Variants in KCNC4 observed in about 807,000 individuals in gnomAD.
KCNC4 encodes voltage-gated potassium channel KCNC4.
Under a neutral mutation model 42.8 loss-of-function variants are expected in KCNC4, and 23 were observed. The observed-to-expected ratio is 0.54, with a 90% CI of 0.39 to 0.76. The LOEUF (loss-of-function observed/expected upper bound fraction) is 0.76. KCNC4 is among the 30% of genes least tolerant of loss of function. The pLI, the probability that KCNC4 is intolerant of heterozygous loss-of-function variation, is 0.00. For synonymous variants in KCNC4, 422 were observed against 393.5 expected (o/e 1.07, Z -0.86); for missense variants, 751 against 898.2 (o/e 0.84, Z 2.10).
At chr1:110,234,382 C>T (rs992296841), downstream of KCNC4, 4 of 152,196 alleles carry the variant, frequency 2.6e-5, no homozygotes, top group African/African-American at 9.7e-5. Context: ...GGGGCCTCCC[C>T]TCCTCCCTGC....
At chr1:110,234,145 AC>A (rs1658843012), downstream of KCNC4, 1 of 151,496 alleles carries the variant, frequency 6.6e-6, no homozygotes, top group African/African-American at 2.4e-5. Context: ...GCATAACCCC[AC>A]TCCAGCAGGA....
intron 1 of KCNC4, among the ~76,000 whole-genome samples, chr1:110,260,630 A>G (rs1387614168): frequency 6.6e-6 from 1 of 152,230 alleles, no homozygotes; most frequent in East Asian, 1.9e-4. Context: ...TGAGAATCCA[A>G]TCAGATCTGA....
chr1:110,273,078 G>A (rs1229506183), intron 1 of KCNC4, among the ~76,000 whole-genome samples: 1 of 152,216 alleles, frequency 6.6e-6, no homozygotes, highest in Non-Finnish European at 1.5e-5. Flanking sequence ...GGAGAGGAAG[G>A]AGGAAAGCTT....
chr1:110,233,123 G>C lies in KCNC4; in HGVS notation c.*151G>C, dbSNP rs1049918411. ...TGGAAAATCTCCCATGCGACCCTCG[G>C]GGCCCAGAGCCATCTGGGTCTGATG... On this transcript the variant is annotated 3_prime_UTR_variant, in exon 4 of 4. Transcript: ENST00000438661. 2 of 917,460 alleles carry C rather than the reference G, an allele frequency of 2.2e-6. No homozygotes were observed. Among genetic ancestry groups the C allele is most frequent in the Non-Finnish European group, 3.3e-6 (2 of 603,318 alleles). 56.8% of individuals were successfully genotyped at this position (917,460 alleles called of 1,614,324 possible). A position where few individuals can be genotyped will look rare whatever the true frequency, so the allele number is the denominator to read the frequency against.
chr1:110,275,965 A>G (rs936244928), intron 1 of KCNC4, among the ~76,000 whole-genome samples: 16 of 151,620 alleles, frequency 1.1e-4, no homozygotes, highest in Non-Finnish European at 2.4e-4. Context: ...AAAAAAAAAA[A>G]AAAAAAAGAA....
chr1:110,264,532 G>A (rs1659505951), intron 1 of KCNC4, among the ~76,000 whole-genome samples: 2 of 152,126 alleles, frequency 1.3e-5, no homozygotes, highest in Non-Finnish European at 2.9e-5. Flanking sequence ...TTTAGTAGGG[G>A]TCCGGGTTTC....
At chr1:110,214,892 A>G (rs1657689847) in intron 1 of KCNC4, among the ~76,000 whole-genome samples, 1 of 152,188 alleles carries the variant, frequency 6.6e-6, no homozygotes, top group Non-Finnish European at 1.5e-5. Context: ...GTACTATGCC[A>G]TGCGGGGAGT....
chr1:110,252,986 C>T (rs1212066682), downstream of KCNC4, among the ~76,000 whole-genome samples: 1 of 152,194 alleles, frequency 6.6e-6, no homozygotes, highest in Admixed American at 6.5e-5. Context: ...TATCTCTCTG[C>T]TCTCCCAGGC....
intron 3 of KCNC4, among the ~76,000 whole-genome samples, chr1:110,231,032 C>G (rs1658664929): frequency 6.6e-6 from 1 of 152,238 alleles, no homozygotes; most frequent in African/African-American, 2.4e-5. Flanking sequence ...AGATGCCTTT[C>G]CCCTGCAGCT....
At chr1:110,218,772 C>G (rs1431966089) in intron 1 of KCNC4, among the ~76,000 whole-genome samples, 1 of 152,190 alleles carries the variant, frequency 6.6e-6, no homozygotes, top group African/African-American at 2.4e-5. Context: ...CTTTACATTT[C>G]TAGGGACAGT....
chr1:110,223,674 C>T lies in KCNC4; in HGVS notation c.1389C>T (p.Thr463=). ...TGTGTGCACTGGCTGGCGTGCTCACCATCGCCATGCCGGTGCCTGTCATCG... is the reference window on the plus strand; with the variant it reads ...TGTGTGCACTGGCTGGCGTGCTCACTATCGCCATGCCGGTGCCTGTCATCG... ...GALCALAGVL[T]IAMPVPVIVN... is the part of the protein sequence containing the mutation. The change falls in exon 2 of 4, where the codon ACC becomes ACT. Residue 463 remains threonine (T), a synonymous_variant. Transcript: ENST00000438661. The surrounding 1 kb of genome is among the most constrained non-coding windows in gnomAD (Gnocchi z 7.5). The T allele has an allele frequency of 6.2e-7, 1 of 1,614,030 alleles. No homozygotes were observed.
chr1:110,214,811 C>T (rs1350492420), intron 1 of KCNC4, among the ~76,000 whole-genome samples: 5 of 152,186 alleles, frequency 3.3e-5, no homozygotes, highest in African/African-American at 1.2e-4. Context: ...CTGTGGATGA[C>T]ATCAGAAAAC....
At chr1:110,250,773 G>C (rs1293440292), downstream of KCNC4, among the ~76,000 whole-genome samples, 1 of 152,134 alleles carries the variant, frequency 6.6e-6, no homozygotes, top group African/African-American at 2.4e-5. Flanking sequence ...CCCCTACACA[G>C]CCAGTCTGCT....
intron 1 of KCNC4, among the ~76,000 whole-genome samples, chr1:110,262,129 T>A (rs933177250): frequency 6.6e-6 from 1 of 152,220 alleles, no homozygotes; most frequent in Non-Finnish European, 1.5e-5. Context: ...AGGCCATATG[T>A]TTTGATTCCA....
chr1:110,211,440 C>T lies in KCNC4; in HGVS notation c.-60C>T, dbSNP rs1257437428. 6.5e-7 allele frequency: 1 copy of T among 1,530,636 alleles called. No homozygotes were observed. The highest frequency in any genetic ancestry group is 2.4e-5 in the East Asian group (1 of 42,144). 94.8% of individuals were successfully genotyped at this position (1,530,636 alleles called of 1,614,324 possible). A position where few individuals can be genotyped will look rare whatever the true frequency, so the allele number is the denominator to read the frequency against. On this transcript the variant is annotated 5_prime_UTR_variant, in exon 1 of 4. Transcript: ENST00000438661. The surrounding 1 kb of genome is among the most constrained non-coding windows in gnomAD (Gnocchi z 6.5). ...CCCCTCCCCCGTCTGACGCTGCCTC[C>T]TCGGGAAGGGTGTTTGGAGGGCAGC...
rs756554237 is a variant in KCNC4 at position 110,223,110 on chromosome 1, A to G, written c.825A>G (p.Val275=). ...CCAGCGTGCACTTCCGGCGGGAGGT[A>G]GAGACAGAGCCCATCCTGACCTACA... ...NITSVHFRRE[V]ETEPILTYIE... Residue 275 remains valine, a synonymous_variant, in exon 2 of 4, where the codon GTA becomes GTG. Transcript: ENST00000438661. The surrounding 1 kb of genome is among the most constrained non-coding windows in gnomAD (Gnocchi z 7.5). 6.2e-7 allele frequency: 1 copy of G among 1,614,156 alleles called. No homozygotes were observed. Among genetic ancestry groups the G allele is most frequent in the Non-Finnish European group, 8.5e-7 (1 of 1,179,992 alleles).
At chr1:110,227,466 G>A (rs759807975) in intron 3 of KCNC4, among the ~76,000 whole-genome samples, 15 of 152,348 alleles carry the variant, frequency 9.8e-5, no homozygotes, top group Non-Finnish European at 1.5e-4. Context: ...GTGATCTGGT[G>A]CCTAGAAGGA....
exon 4 of KCNC4, chr1:110,246,377 A>G (rs1024120882): frequency 6.6e-6 from 1 of 152,170 alleles, no homozygotes; most frequent in Non-Finnish European, 1.5e-5. Flanking sequence ...CCCATTTACA[A>G]CCGTGTGACT....
At chr1:110,250,177 C>A (rs2101066042), downstream of KCNC4, among the ~76,000 whole-genome samples, 1 of 152,298 alleles carries the variant, frequency 6.6e-6, no homozygotes, top group East Asian at 1.9e-4. Context: ...CCTCCTCCCA[C>A]ATGACCAGGC....
Sources: gnomAD v4.1 joint callset for allele counts (sites outside exome capture counted in the v4.1 genomes callset) on GRCh38, gnomAD v4.1.1 for gene constraint, Gnocchi (gnomAD v3.1) non-coding constraint, MANE v1.5 for transcripts, NCBI Gene and HGNC (gene_info 2026-07-23, HGNC 2026-07-21) for gene names.